EIF4E: variants seen among roughly 807,000 people sequenced by gnomAD.
EIF4E encodes the protein eIF-4F 25 kDa subunit.
For missense variants in EIF4E, 113 were observed against 265.6 expected, an observed-to-expected ratio of 0.43 and a Z score of 3.99; for synonymous variants, 71 against 88.5, an observed-to-expected ratio of 0.80 and a Z score of 1.11.
At chr4:98,919,558 CTTTTTTTTT>C (rs532537834) in intron 1 of EIF4E, among the ~76,000 whole-genome samples, 1 of 131,890 alleles carries the variant, frequency 7.6e-6, no homozygotes, top group Non-Finnish European at 1.6e-5. Flanking sequence ...GATTCTTTTT[CTTTTTTTTT>C]TTTTTTTTTG....
chr4:98,914,419 TAAG>T (rs1725288804), intron 1 of EIF4E, among the ~76,000 whole-genome samples: 2 of 148,988 alleles, frequency 1.3e-5, no homozygotes, highest in South Asian at 4.2e-4. Context: ...TGACCTATTT[TAAG>T]AAGTCCTAAA....
rs1723665023 is a variant in EIF4E, at chr4:98,880,963, G to C, written c.*65C>G. 1 of 1,545,210 alleles carries C rather than the reference G, an allele frequency of 6.5e-7. No individual in the cohort carries two copies. The highest frequency in any genetic ancestry group is 8.7e-7 in the Non-Finnish European group (1 of 1,144,422). The stretch of plus-strand genomic sequence containing the variant: ...CCACTCTGCTTTTTGAAGAGGCTTT[G>C]GTTCAGCTCCCAAATCTCGATTGCT... On this transcript the variant is annotated 3_prime_UTR_variant, in exon 7 of 7. Transcript: ENST00000450253.
Position 98,880,843 on chromosome 4 carries a change from A to C in EIF4E, c.*185T>G. ...ATAGTGGAAACTCTAGCCAAAAAAAAAAAAAAAAATGAACACAGAAGTACA... is the reference window on the plus strand; with the variant it reads ...ATAGTGGAAACTCTAGCCAAAAAAACAAAAAAAAATGAACACAGAAGTACA... On this transcript the variant is annotated 3_prime_UTR_variant, in exon 7 of 7. Transcript: ENST00000450253. 1 of 1,232,354 alleles carries C rather than the reference A, an allele frequency of 8.1e-7. No individual in the cohort carries two copies. The highest frequency in any genetic ancestry group is 3.4e-5 in the East Asian group (1 of 29,672). 76.3% of individuals were successfully genotyped at this position (1,232,354 alleles called of 1,614,324 possible).
chr4:98,917,515 G>A (rs1725438785), intron 1 of EIF4E, among the ~76,000 whole-genome samples: 2 of 152,182 alleles, frequency 1.3e-5, no homozygotes, highest in East Asian at 3.9e-4. Context: ...TCATTTTTAT[G>A]AGCCTTCATC....
At position 98,887,265 on chromosome 4, in the gene EIF4E, T is replaced by C. The variant is rs1037979072; in HGVS notation, c.286-73A>G. On this transcript the variant is annotated intron_variant, in intron 4 of 6. Coordinates refer to ENST00000450253, the MANE Select transcript of EIF4E (RefSeq NM_001968.5). This position sits in a 1 kb window ranked among gnomAD's most constrained non-coding sequence, Gnocchi z 4.0. ...TTTGAGAGATAATCATTAGAAACAGTTAAGCAACAACACTGTCAACTTCTT... is the reference window on the plus strand; with the variant it reads ...TTTGAGAGATAATCATTAGAAACAGCTAAGCAACAACACTGTCAACTTCTT... The C allele has an allele frequency of 2.1e-6, 3 of 1,459,976 alleles. No homozygotes were observed. Among genetic ancestry groups the C allele is most frequent in the Non-Finnish European group, 2.9e-6 (3 of 1,041,592 alleles). 90.4% of individuals were successfully genotyped at this position (1,459,976 alleles called of 1,614,324 possible).
At chr4:98,924,885 G>A (rs754856817) in intron 1 of EIF4E, among the ~76,000 whole-genome samples, 25 of 152,254 alleles carry the variant, frequency 1.6e-4, no homozygotes, top group South Asian at 2.1e-4. Flanking sequence ...GTGAGCCACC[G>A]CACTCAGCAA....
intron 1 of EIF4E, among the ~76,000 whole-genome samples, chr4:98,903,835 T>A (rs1724750385): frequency 6.6e-6 from 1 of 152,216 alleles, no homozygotes; most frequent in South Asian, 2.1e-4. Flanking sequence ...CAAACATTTT[T>A]ATCAACATTT....
intron 1 of EIF4E, among the ~76,000 whole-genome samples, chr4:98,914,392 CT>C (rs61194368): frequency 0.13 from 16,016 of 120,632 alleles, 1,114 homozygotes; most frequent in East Asian, 0.18. Context: ...AAAAAAAGCA[CT>C]TTTTTTTTTT....
rs537011881 is a variant in EIF4E at position 98,927,616 on chromosome 4, C to CT, written c.18+1478dup. ...GTTGCAGTGAGCCGAGATCACGCCA[C>CT]TGCACTCCAGCCTGGGCGACAAAGC... On this transcript the variant is annotated intron_variant, in intron 1 of 6. Transcript: ENST00000450253. Among the ~76,000 whole-genome samples, 1,208 of 134,850 alleles carry CT rather than the reference C, an allele frequency of 9.0e-3. 13 individuals carry two copies. Among genetic ancestry groups the CT allele is most frequent in the Non-Finnish European group, 0.013 (873 of 64,956 alleles). The allele number at this position is 134,850 out of a possible 152,430, so 88.5% of individuals were successfully genotyped here. A position where few individuals can be genotyped will look rare whatever the true frequency, so the allele number is the denominator to read the frequency against.
intron 1 of EIF4E, among the ~76,000 whole-genome samples, chr4:98,921,887 T>C (rs1465463776): frequency 6.6e-6 from 1 of 152,202 alleles, no homozygotes; most frequent in African/African-American, 2.4e-5. Flanking sequence ...AGGTTAAGTG[T>C]CCATCCACTT....
chr4:98,889,209 C>G (rs1724048448), intron 3 of EIF4E, among the ~76,000 whole-genome samples: 1 of 151,664 alleles, frequency 6.6e-6, no homozygotes, highest in African/African-American at 2.4e-5. Flanking sequence ...AATCAAATTC[C>G]ATAGTATAAC....
chr4:98,914,392 C>CTT (rs61194368), intron 1 of EIF4E, among the ~76,000 whole-genome samples: 2 of 120,770 alleles, frequency 1.7e-5, no homozygotes, highest in Non-Finnish European at 3.4e-5. Flanking sequence ...AAAAAAAGCA[C>CTT]TTTTTTTTTT....
intron 3 of EIF4E, chr4:98,890,716 C>A (rs1259212816): frequency 1.3e-5 from 2 of 153,646 alleles, no homozygotes; most frequent in East Asian, 1.9e-4. Context: ...AAAAATATTT[C>A]AACTATTCTT....
chr4:98,919,713 C>T (rs746832764), intron 1 of EIF4E, among the ~76,000 whole-genome samples: 2 of 151,934 alleles, frequency 1.3e-5, no homozygotes, highest in African/African-American at 2.4e-5. Context: ...CACGTGCCAC[C>T]ACACCCAGCT....
At chr4:98,900,860 G>C (rs1396377722) in intron 2 of EIF4E, among the ~76,000 whole-genome samples, 2 of 152,110 alleles carry the variant, frequency 1.3e-5, no homozygotes, top group African/African-American at 2.4e-5. Flanking sequence ...CCCTTTTCTA[G>C]TCTCTCACTT....
chr4:98,929,003 C>A (rs1721357378), intron 1 of EIF4E, 92 bp downstream of exon 1: 3 of 1,567,308 alleles, frequency 1.9e-6, no homozygotes, highest in East Asian at 4.8e-5. Flanking sequence ...GGGTACAGTG[C>A]GCGCCGGGAA....
intron 2 of EIF4E, among the ~76,000 whole-genome samples, chr4:98,899,830 G>A (rs1335850761): frequency 1.3e-5 from 2 of 152,064 alleles, no homozygotes; most frequent in East Asian, 3.8e-4. Context: ...TGACTACTCT[G>A]GGGAGTGAAG....
intron 6 of EIF4E, 43 bp downstream of exon 6, chr4:98,884,879 C>T: frequency 6.2e-7 from 1 of 1,607,676 alleles, no homozygotes; most frequent in Non-Finnish European, 8.5e-7. Context: ...TGGTTTTACT[C>T]ATCTTAATAC....
At chr4:98,922,164 A>G (rs1365732437) in intron 1 of EIF4E, among the ~76,000 whole-genome samples, 1 of 152,202 alleles carries the variant, frequency 6.6e-6, no homozygotes, top group Admixed American at 6.5e-5. Flanking sequence ...TACACTCTGC[A>G]CTTTGGCTGC....
Sources: allele counts gnomAD v4.1 joint callset (sites outside exome capture counted in the v4.1 genomes callset), GRCh38; gene constraint gnomAD v4.1.1; non-coding constraint Gnocchi (gnomAD v3.1); transcripts MANE v1.5; gene names NCBI Gene and HGNC (gene_info 2026-07-23, HGNC 2026-07-21).